The following MTUS2 variants were observed in gnomAD, a reference collection of about 807,000 sequenced individuals.
The protein encoded by MTUS2 is microtubule associated scaffold protein 2, also known as microtubule-associated tumor suppressor candidate 2.
MTUS2 carries 40 observed loss-of-function variants against 114.1 expected under a neutral mutation model. The observed-to-expected ratio is 0.35, with a 90% CI of 0.27 to 0.46. The LOEUF (loss-of-function observed/expected upper bound fraction) is 0.46. Among genes scored for constraint, MTUS2 ranks in the 20% least tolerant of loss-of-function variants. The probability of loss-of-function intolerance (pLI) is 1.00; values close to 1 mark genes in which losing one functional copy is unlikely to be tolerated. For synonymous variants in MTUS2, 688 were observed against 672.0 expected, an observed-to-expected ratio of 1.02 and a Z score of -0.37; for missense variants, 1,679 against 1,705.4, an observed-to-expected ratio of 0.98 and a Z score of 0.27.
intron 12 of MTUS2, among the ~76,000 whole-genome samples, chr13:29,495,181 C>CAAAA (rs71090260): frequency 4.3e-4 from 13 of 30,074 alleles, no homozygotes; most frequent in Non-Finnish European, 5.9e-4. Context: ...AACTCCGTCT[C>CAAAA]AAAAAAAAAA....
At chr13:29,126,200 G>T (rs1414683410) in intron 5 of MTUS2, among the ~76,000 whole-genome samples, 1 of 152,124 alleles carries the variant, frequency 6.6e-6, no homozygotes, top group Non-Finnish European at 1.5e-5. Context: ...CCTTTACTGA[G>T]AACCCACGGG....
chr13:29,355,303 A>G (rs1399652764), intron 7 of MTUS2, among the ~76,000 whole-genome samples: 1 of 152,228 alleles, frequency 6.6e-6, no homozygotes, highest in African/African-American at 2.4e-5. Context: ...TGGAGACCTC[A>G]CAGTTGCCAG....
intron 2 of MTUS2, among the ~76,000 whole-genome samples, chr13:28,974,789 C>T (rs898318458): frequency 3.3e-5 from 5 of 152,122 alleles, no homozygotes; most frequent in African/African-American, 1.2e-4. Flanking sequence ...GGCTTTTCCA[C>T]ATGTCAAATC....
intron 5 of MTUS2, among the ~76,000 whole-genome samples, chr13:29,266,977 T>C (rs1474500831): frequency 6.6e-6 from 1 of 152,150 alleles, no homozygotes; most frequent in Admixed American, 6.5e-5. Flanking sequence ...TTTAGAAGAC[T>C]ACGTTGAGTC....
intron 5 of MTUS2, among the ~76,000 whole-genome samples, chr13:29,108,574 C>T (rs923612131): frequency 1.2e-4 from 19 of 152,250 alleles, no homozygotes; most frequent in Middle Eastern, 3.4e-3. Context: ...ATAAGCTCAG[C>T]GCCAGGGCTG....
intron 7 of MTUS2, among the ~76,000 whole-genome samples, chr13:29,353,662 A>G (rs2138195394): frequency 6.6e-6 from 1 of 152,290 alleles, no homozygotes; most frequent in South Asian, 2.1e-4. Flanking sequence ...GAGTCTGATC[A>G]TTCTGGGTTT....
At chr13:29,134,518 T>C (rs187431906) in intron 5 of MTUS2, among the ~76,000 whole-genome samples, 10 of 152,328 alleles carry the variant, frequency 6.6e-5, no homozygotes, top group Admixed American at 5.2e-4. Context: ...TTCCATCAGT[T>C]TTTGCTTATA....
intron 2 of MTUS2, among the ~76,000 whole-genome samples, chr13:28,885,131 TG>T (rs568604246): frequency 3.1e-4 from 47 of 152,308 alleles, no homozygotes; most frequent in Non-Finnish European, 5.7e-4. Flanking sequence ...TTGATTTGGG[TG>T]TTTTAGGAAA....
At chr13:29,500,369 C>G (rs1183556503) in intron 14 of MTUS2, among the ~76,000 whole-genome samples, 2 of 152,162 alleles carry the variant, frequency 1.3e-5, no homozygotes, top group Non-Finnish European at 2.9e-5. Flanking sequence ...TTGTCACATT[C>G]TTTTCAGGAA....
intron 9 of MTUS2, among the ~76,000 whole-genome samples, chr13:29,449,984 C>T (rs958858589): frequency 1.2e-4 from 18 of 152,350 alleles, no homozygotes; most frequent in African/African-American, 4.3e-4. Flanking sequence ...GGGACCCAGG[C>T]TCCTTACAGC....
chr13:29,238,053 C>A (rs1347240637), intron 5 of MTUS2, among the ~76,000 whole-genome samples: 4 of 152,186 alleles, frequency 2.6e-5, no homozygotes, highest in African/African-American at 9.6e-5. Context: ...CCAGCAACCT[C>A]ATGACAGGGT....
At chr13:29,015,428 G>T (rs1409546058) in intron 2 of MTUS2, among the ~76,000 whole-genome samples, 3 of 152,106 alleles carry the variant, frequency 2.0e-5, no homozygotes, top group Non-Finnish European at 2.9e-5. Context: ...AGGGTAGTAG[G>T]TATTTATTCA....
intron 7 of MTUS2, among the ~76,000 whole-genome samples, chr13:29,334,581 G>A (rs1900955223): frequency 6.6e-6 from 1 of 152,162 alleles, no homozygotes; most frequent in African/African-American, 2.4e-5. Flanking sequence ...CTGTTATTCT[G>A]ATGGGCTTCC....
chr13:29,442,131 T>C (rs1253463676), intron 9 of MTUS2, among the ~76,000 whole-genome samples: 1 of 152,042 alleles, frequency 6.6e-6, no homozygotes, highest in African/African-American at 2.4e-5. Context: ...CTCCCCACCT[T>C]GTAGAGGTAG....
chr13:29,040,911 G>A (rs1385796566), intron 4 of MTUS2, among the ~76,000 whole-genome samples: 2 of 152,112 alleles, frequency 1.3e-5, no homozygotes, highest in Non-Finnish European at 2.9e-5. Flanking sequence ...TGGGTTGTCT[G>A]TTTACTCTGC....
At chr13:29,203,857 G>T (rs1347670919) in intron 5 of MTUS2, among the ~76,000 whole-genome samples, 1 of 152,092 alleles carries the variant, frequency 6.6e-6, no homozygotes, top group African/African-American at 2.4e-5. Context: ...GCTGCATCCA[G>T]TGTCTAACCA....
intron 5 of MTUS2, among the ~76,000 whole-genome samples, chr13:29,238,250 A>G (rs1332638741): frequency 6.6e-6 from 1 of 152,250 alleles, no homozygotes; most frequent in South Asian, 2.1e-4. Flanking sequence ...CCTGTCATTT[A>G]TGATAACATG....
intron 2 of MTUS2, among the ~76,000 whole-genome samples, chr13:28,921,458 C>A (rs796577586): frequency 6.6e-6 from 1 of 152,144 alleles, no homozygotes; most frequent in African/African-American, 2.4e-5. Flanking sequence ...AGGAAGGGGT[C>A]TTTTCTGTTG....
At chr13:28,949,679 G>A (rs112554099) in intron 2 of MTUS2, among the ~76,000 whole-genome samples, 35 of 152,184 alleles carry the variant, frequency 2.3e-4, no homozygotes, top group East Asian at 1.2e-3. Flanking sequence ...TGACTGCTCT[G>A]GTACCTTATG....
Sources: allele counts gnomAD v4.1 joint callset (sites outside exome capture counted in the v4.1 genomes callset), GRCh38; gene constraint gnomAD v4.1.1; transcripts MANE v1.5; gene names NCBI Gene and HGNC (gene_info 2026-07-23, HGNC 2026-07-21).